Variants in PPP3CC observed in about 807,000 individuals in gnomAD.
PPP3CC encodes serine/threonine-protein phosphatase 2B catalytic subunit gamma isoform.
A neutral mutation model predicts 60.3 loss-of-function variants in PPP3CC; 35 were observed. The ratio of observed to expected loss-of-function variants is 0.58; its 90% confidence interval spans 0.44 to 0.77. The LOEUF is 0.77. PPP3CC is among the 30% of genes least tolerant of loss of function. PPP3CC has a pLI of 0.00. For missense variants in PPP3CC, 570 were observed against 628.9 expected (o/e 0.91, Z 1.00); for synonymous variants, 206 against 224.3 (o/e 0.92, Z 0.73).
intron 12 of PPP3CC, among the ~76,000 whole-genome samples, chr8:22,538,661 T>C (rs1839896587): frequency 6.6e-6 from 1 of 152,222 alleles, no homozygotes; most frequent in South Asian, 2.1e-4. Flanking sequence ...ATTAGCGTTT[T>C]TACTGTCTGA....
chr8:22,510,365 CT>C (rs1193770826), intron 4 of PPP3CC, among the ~76,000 whole-genome samples: 3 of 152,026 alleles, frequency 2.0e-5, no homozygotes, highest in African/African-American at 4.8e-5. Context: ...GTTTACAGAC[CT>C]TAAAAATTAT....
intron 10 of PPP3CC, 31 bp downstream of exon 10, chr8:22,528,608 G>C: frequency 6.9e-7 from 1 of 1,448,804 alleles, no homozygotes; most frequent in African/African-American, 1.4e-5. Context: ...ACTAAAACTA[G>C]AAAGAGGTTT....
intron 6 of PPP3CC, among the ~76,000 whole-genome samples, chr8:22,520,971 G>A (rs1296843826): frequency 3.3e-5 from 5 of 152,236 alleles, no homozygotes; most frequent in African/African-American, 1.2e-4. Context: ...CTCCTATTGA[G>A]TCCCTGGGTT....
intron 13 of PPP3CC, 99 bp downstream of exon 13, chr8:22,539,597 G>T: frequency 8.0e-7 from 1 of 1,245,734 alleles, no homozygotes; most frequent in South Asian, 1.4e-5. Context: ...TGCATCACCA[G>T]AACTATAACA....
intron 3 of PPP3CC, among the ~76,000 whole-genome samples, chr8:22,478,959 GATAA>G (rs1837980489): frequency 6.6e-6 from 1 of 152,130 alleles, no homozygotes; most frequent in Non-Finnish European, 1.5e-5. Context: ...TAACTTCAGA[GATAA>G]ATGAATCAAA....
chr8:22,482,058 G>A (rs1838086374), intron 3 of PPP3CC, among the ~76,000 whole-genome samples: 1 of 152,164 alleles, frequency 6.6e-6, no homozygotes, highest in East Asian at 1.9e-4. Context: ...GCGATAATGG[G>A]ATTGCTGGGT....
rs71206527 is a variant in PPP3CC, at chr8:22,530,537, A to AAATAAATAAATG, written c.1142-1686_1142-1685insTAAATAAATGAA. Among the ~76,000 whole-genome samples the AAATAAATAAATG allele has an allele frequency of 4.0e-3, 611 of 150,958 alleles. 5 individuals carry two copies. The highest frequency in any genetic ancestry group is 0.014 in the African/African-American group (577 of 41,064). On this transcript the variant is annotated intron_variant, in intron 10 of 13. Coordinates refer to ENST00000240139, the MANE Select transcript of PPP3CC (RefSeq NM_005605.5). ...TAAATAAATAAATAAATAAATAAAT[A>AAATAAATAAATG]AAAAGGAAGAATGGGCCGGGCATAG...
intron 1 of PPP3CC, among the ~76,000 whole-genome samples, chr8:22,474,130 A>G (rs1183759249): frequency 1.3e-5 from 2 of 150,616 alleles, no homozygotes; most frequent in Non-Finnish European, 3.0e-5. Flanking sequence ...CCTGACCTCA[A>G]GTGATCTGCC....
At chr8:22,463,553 G>A (rs2132450040) in intron 1 of PPP3CC, among the ~76,000 whole-genome samples, 1 of 152,224 alleles carries the variant, frequency 6.6e-6, no homozygotes, top group African/African-American at 2.4e-5. Context: ...AGAATGGAAG[G>A]GAGTGGAATC....
intron 1 of PPP3CC, among the ~76,000 whole-genome samples, chr8:22,444,229 C>A (rs1234572046): frequency 3.4e-5 from 5 of 147,840 alleles, no homozygotes; most frequent in Non-Finnish European, 3.0e-5. Context: ...GTACTGTAGC[C>A]TGGGCGACAA....
At position 22,507,388 on chromosome 8, in the gene PPP3CC, A is replaced by G. The variant is rs573197021; in HGVS notation, c.485-3698A>G. Among the ~76,000 whole-genome samples, 47 of 152,336 alleles carry G rather than the reference A, an allele frequency of 3.1e-4. 1 individual carries two copies. The South Asian group carries it at 9.7e-3, about 32-fold the overall frequency. On this transcript the variant is annotated intron_variant, in intron 4 of 13. Coordinates refer to ENST00000240139, the MANE Select transcript of PPP3CC (RefSeq NM_005605.5). The stretch of plus-strand genomic sequence containing the variant: ...TATCCTAAAATTTGTCTTGAAAATA[A>G]AGCAATTGAATCAGCTAATTTAACC...
intron 3 of PPP3CC, among the ~76,000 whole-genome samples, chr8:22,477,387 T>G (rs1386177243): frequency 7.3e-5 from 11 of 151,680 alleles, no homozygotes; most frequent in African/African-American, 2.4e-4. Flanking sequence ...TGAGGCAGGA[T>G]AATCACTTGA....
At chr8:22,528,436 G>T in intron 9 of PPP3CC, 70 bp from the exon 10 acceptor site, 3 of 998,062 alleles carry the variant, frequency 3.0e-6, no homozygotes, top group South Asian at 2.4e-5. Flanking sequence ...TGTTTATTTA[G>T]ATATCCACAT....
At chr8:22,468,959 G>T (rs537491775) in intron 1 of PPP3CC, among the ~76,000 whole-genome samples, 1 of 152,252 alleles carries the variant, frequency 6.6e-6, no homozygotes, top group South Asian at 2.1e-4. Flanking sequence ...GGATTTCTGA[G>T]GCCATGATAT....
chr8:22,532,387 T>G (rs2449340), intron 11 of PPP3CC, 81 bp downstream of exon 11: 594,550 of 1,210,768 alleles, frequency 0.49, 151,149 homozygotes, highest in African/African-American at 0.77. Context: ...AGTTTTTTTA[T>G]AATTGGAATG....
At chr8:22,512,519 C>A (rs1305025330) in intron 5 of PPP3CC, among the ~76,000 whole-genome samples, 3 of 152,038 alleles carry the variant, frequency 2.0e-5, no homozygotes, top group South Asian at 2.1e-4. Flanking sequence ...AATGCCCTTA[C>A]AAAATTAGCA....
At chr8:22,445,111 C>T (rs1373413458) in intron 1 of PPP3CC, among the ~76,000 whole-genome samples, 3 of 152,174 alleles carry the variant, frequency 2.0e-5, no homozygotes, top group Non-Finnish European at 4.4e-5. Context: ...TCTTAGAATT[C>T]AAATATATTG....
intron 4 of PPP3CC, among the ~76,000 whole-genome samples, chr8:22,502,512 ACTCT>A (rs1010008419): frequency 3.9e-5 from 6 of 151,902 alleles, no homozygotes; most frequent in African/African-American, 9.7e-5. Context: ...CAGTAGTAAG[ACTCT>A]CTCTCTACAA....
intron 1 of PPP3CC, among the ~76,000 whole-genome samples, chr8:22,456,690 A>G (rs2132439429): frequency 6.6e-6 from 1 of 152,296 alleles, no homozygotes; most frequent in East Asian, 1.9e-4. Flanking sequence ...CCAGCACAAT[A>G]AGGGTACTCA....
Sources: allele counts gnomAD v4.1 joint callset (sites outside exome capture counted in the v4.1 genomes callset), GRCh38; gene constraint gnomAD v4.1.1; transcripts MANE v1.5; gene names NCBI Gene and HGNC (gene_info 2026-07-23, HGNC 2026-07-21).